Variants in ADGRG5 observed in about 807,000 individuals in gnomAD.
ADGRG5 encodes the protein G protein-coupled receptor 114.
In ADGRG5, 37 loss-of-function variants were observed where a neutral mutation model predicts 53.2. The ratio of observed to expected loss-of-function variants is 0.70; its 90% CI spans 0.53 to 0.91. ADGRG5 has a LOEUF of 0.91. Ranked by LOEUF, ADGRG5 falls within the 40% of genes least tolerant of loss-of-function variation. The pLI is 0.00. For missense variants in ADGRG5, 614 were observed against 675.8 expected (o/e 0.91, Z 1.01); for synonymous variants, 277 against 290.4 (o/e 0.95, Z 0.47).
chr16:57,571,428 C>G (rs1270701720), intron 10 of ADGRG5, among the ~76,000 whole-genome samples: 1 of 151,426 alleles, frequency 6.6e-6, no homozygotes, highest in African/African-American at 2.4e-5. Context: ...GCCCCCAGCC[C>G]CTGAAGCAGG....
Position 57,570,462 on chromosome 16 carries a change from T to C in ADGRG5, c.1135T>C (p.Ser379Pro). 1 of 1,613,500 alleles carries C rather than the reference T, an allele frequency of 6.2e-7. No homozygotes were observed. The highest frequency in any genetic ancestry group is 8.5e-7 in the Non-Finnish European group (1 of 1,179,940). The change falls in exon 10 of 12, where the codon TCG becomes CCG. Residue 379 changes from serine to proline, a missense_variant. By Grantham distance (74) the Ser-to-Pro change is moderately conservative. Coordinates refer to ENST00000349457, the MANE Select transcript of ADGRG5 (RefSeq NM_001304376.3). ...GCTGCTTTCCCTCTCTGTCAAGAGC[T>C]CGGTATACGGACCCTGCACAATCCC... ...LVLLSLSVKSSVYGPCTIPVF... is the reference protein window; with the variant it reads ...LVLLSLSVKSPVYGPCTIPVF...
intron 7 of ADGRG5, 56 bp from the exon 8 acceptor site, chr16:57,567,414 C>A: frequency 6.3e-7 from 1 of 1,586,332 alleles, no homozygotes; most frequent in South Asian, 1.1e-5. Context: ...CTGACTGAGG[C>A]TGGGAGGAAG....
At chr16:57,537,263 C>G in the ADGRG5 span, among the ~76,000 whole-genome samples, 1 of 151,810 alleles carries the variant, frequency 6.6e-6, no homozygotes, top group Non-Finnish European at 1.5e-5. Context: ...AAAGCCGGGA[C>G]AGGCGTCTGG....
chr16:57,563,878 G>A lies in ADGRG5; in HGVS notation c.328G>A (p.Ala110Thr), dbSNP rs1431764403. ...AGGTCAGCATGCCCGGGGTCAGCAC[G>A]CCATGCAGTTCCCCGCCGAGCTGAC... ...AGGQHARGQH[A>T]MQFPAELTRD... The change falls in exon 5 of 12, where the codon GCC becomes ACC. Residue 110 changes from alanine (A) to threonine (T), a missense_variant. Transcript: ENST00000349457. 2.5e-6 allele frequency: 4 copies of A among 1,613,986 alleles called. No individual in the cohort carries two copies. The highest frequency in any genetic ancestry group is 1.3e-5 in the African/African-American group (1 of 75,034).
intron 1 of ADGRG5, among the ~76,000 whole-genome samples, chr16:57,544,056 A>G (rs2032558622): frequency 6.6e-6 from 1 of 152,076 alleles, no homozygotes; most frequent in South Asian, 2.1e-4. Flanking sequence ...ACAGCTCCTC[A>G]TTTCTCTATT....
At chr16:57,567,632 GC>G (rs1567622366) in intron 8 of ADGRG5, 41 bp downstream of exon 8, 3 of 1,596,742 alleles carry the variant, frequency 1.9e-6, no homozygotes, top group Non-Finnish European at 2.6e-6. Flanking sequence ...CTGCACTGTG[GC>G]ACATCACGCT....
the ADGRG5 span, among the ~76,000 whole-genome samples, chr16:57,529,728 T>C: frequency 3.9e-5 from 6 of 152,296 alleles, no homozygotes; most frequent in East Asian, 9.7e-4. The surrounding 1 kb of genome is among the most constrained non-coding windows in gnomAD (Gnocchi z 4.1). Flanking sequence ...TTCTGAGGTA[T>C]CACTTCCTCC....
chr16:57,546,201 G>A (rs2032616525), intron 1 of ADGRG5, among the ~76,000 whole-genome samples: 1 of 152,174 alleles, frequency 6.6e-6, no homozygotes, highest in South Asian at 2.1e-4. Flanking sequence ...ATAGCTCACT[G>A]CAGCCTCAAA....
At chr16:57,547,996 C>T (rs1413887394) in intron 1 of ADGRG5, among the ~76,000 whole-genome samples, 1 of 152,104 alleles carries the variant, frequency 6.6e-6, no homozygotes, top group Non-Finnish European at 1.5e-5. Flanking sequence ...GATTTGCCCA[C>T]CTAGGCCTCC....
At chr16:57,567,810 C>T (rs1263905535) in intron 8 of ADGRG5, 46 bp from the exon 9 acceptor site, 2 of 1,579,314 alleles carry the variant, frequency 1.3e-6, no homozygotes, top group East Asian at 2.3e-5. Flanking sequence ...GTAGTGCTGC[C>T]TGGGTGATGT....
intron 10 of ADGRG5, among the ~76,000 whole-genome samples, chr16:57,571,624 C>T (rs564582663): frequency 6.6e-6 from 1 of 151,636 alleles, no homozygotes; most frequent in African/African-American, 2.4e-5. Flanking sequence ...CCTCAGTTTA[C>T]ATACTCTCTG....
chr16:57,561,739 G>A (rs1423463857), intron 1 of ADGRG5, among the ~76,000 whole-genome samples: 2 of 152,174 alleles, frequency 1.3e-5, no homozygotes, highest in Admixed American at 6.5e-5. Flanking sequence ...CCCAAACACC[G>A]TCCCCCTGGG....
intron 1 of ADGRG5, among the ~76,000 whole-genome samples, chr16:57,554,739 A>G (rs1160216327): frequency 6.6e-6 from 1 of 152,024 alleles, no homozygotes; most frequent in East Asian, 1.9e-4. Flanking sequence ...TTCTTTTTAT[A>G]TTTATTAAGG....
the ADGRG5 span, chr16:57,529,285 C>T: frequency 1.8e-6 from 2 of 1,118,376 alleles, no homozygotes; most frequent in Admixed American, 5.0e-5. The surrounding 1 kb of genome is among the most constrained non-coding windows in gnomAD (Gnocchi z 4.1). Flanking sequence ...CCGTGCCCCG[C>T]TTCCCTCTGG....
chr16:57,562,658 A>G, intron 3 of ADGRG5, 199 bp downstream of exon 3: 1 of 579,134 alleles, frequency 1.7e-6, no homozygotes, highest in Non-Finnish European at 3.1e-6. Context: ...GGGGGCCCTT[A>G]ATCATAGATG....
chr16:57,539,680 T>C (rs1027585213), upstream of ADGRG5, among the ~76,000 whole-genome samples: 13 of 151,866 alleles, frequency 8.6e-5, no homozygotes, highest in African/African-American at 3.1e-4. Flanking sequence ...CTCGAACTCC[T>C]GGGCTCAAGT....
Position 57,567,459 on chromosome 16 carries a change from C to G in ADGRG5, c.700-11C>G, listed in dbSNP as rs201426317. 9 of 1,605,874 alleles carry G rather than the reference C, an allele frequency of 5.6e-6. No homozygotes were observed. On this transcript the variant is annotated splice_polypyrimidine_tract_variant and intron_variant, in intron 7 of 11. Transcript: ENST00000349457. ...ATGCTTCTGGCCTCCAGCCCCTCTT[C>G]CCTCCTGCAGCAACTCTCCCCAGCC...
At chr16:57,567,629 G>A (rs755834262) in intron 8 of ADGRG5, 38 bp downstream of exon 8, 1 of 1,598,988 alleles carries the variant, frequency 6.3e-7, no homozygotes, top group East Asian at 2.2e-5. Flanking sequence ...GCCCTGCACT[G>A]TGGCACATCA....
intron 8 of ADGRG5, 78 bp downstream of exon 8, chr16:57,567,669 G>C: frequency 1.3e-6 from 2 of 1,543,346 alleles, no homozygotes; most frequent in African/African-American, 2.7e-5. Flanking sequence ...TAGTCCACTA[G>C]AACTGGGTGT....
Sources: allele counts gnomAD v4.1 joint callset (sites outside exome capture counted in the v4.1 genomes callset), GRCh38; gene constraint gnomAD v4.1.1; non-coding constraint Gnocchi (gnomAD v3.1); transcripts MANE v1.5; gene names NCBI Gene and HGNC (gene_info 2026-07-23, HGNC 2026-07-21).